The following UBE2Q2 variants were observed in gnomAD, a reference collection of about 807,000 sequenced individuals.
The protein encoded by UBE2Q2 is ubiquitin conjugating enzyme E2 Q2, also known as ubiquitin-conjugating enzyme E2 Q2.
A neutral mutation model predicts 59.9 loss-of-function variants in UBE2Q2; 54 were observed. The observed-to-expected ratio is 0.90, with a 90% CI of 0.72 to 1.13. The LOEUF (loss-of-function observed/expected upper bound fraction) is 1.13, where lower values mean the gene tolerates loss of function less well. Ranked by LOEUF, UBE2Q2 falls within the 50% of genes most tolerant of loss-of-function variation. UBE2Q2 has a pLI of 0.00. For synonymous variants in UBE2Q2, 165 were observed against 155.2 expected (o/e 1.06, Z -0.47); for missense variants, 433 against 441.9 (o/e 0.98, Z 0.18).
At chr15:75,844,857 T>G (rs1194954073) in intron 1 of UBE2Q2, among the ~76,000 whole-genome samples, 1 of 152,078 alleles carries the variant, frequency 6.6e-6, no homozygotes, top group Admixed American at 6.6e-5. Context: ...TTTGGTTGAG[T>G]CAGTGGGTAC....
intron 9 of UBE2Q2, among the ~76,000 whole-genome samples, chr15:75,886,998 A>G (rs895890484): frequency 1.3e-5 from 2 of 152,094 alleles, no homozygotes; most frequent in African/African-American, 4.8e-5. Context: ...AATAGAGACA[A>G]ATATTTTATG....
chr15:75,899,583 T>C lies in UBE2Q2; in HGVS notation c.*125T>C. ...AGATGTTAGTTAATAGATATTTTAG[T>C]GGATAATCTGTCATCTGACATCCAG... On this transcript the variant is annotated 3_prime_UTR_variant, in exon 13 of 13. Transcript: ENST00000267938. 1 of 711,654 alleles carries C rather than the reference T, an allele frequency of 1.4e-6. No individual in the cohort carries two copies. The highest frequency in any genetic ancestry group is 2.7e-5 in the Admixed American group (1 of 36,648). 44.1% of individuals were successfully genotyped at this position (711,654 alleles called of 1,614,324 possible). A position where few individuals can be genotyped will look rare whatever the true frequency, so the allele number is the denominator to read the frequency against.
intron 11 of UBE2Q2, among the ~76,000 whole-genome samples, chr15:75,894,477 A>C (rs556885080): frequency 6.6e-6 from 1 of 152,096 alleles, no homozygotes; most frequent in Admixed American, 6.5e-5. Flanking sequence ...CCAACTACTC[A>C]GGAGGCTGAG....
At chr15:75,850,810 T>C (rs994614904) in intron 1 of UBE2Q2, among the ~76,000 whole-genome samples, 1 of 152,184 alleles carries the variant, frequency 6.6e-6, no homozygotes, top group Non-Finnish European at 1.5e-5. Context: ...AGGGCTTTGG[T>C]TTATGTAAGT....
chr15:75,844,687 GTT>G (rs1896233853), intron 1 of UBE2Q2: 3 of 536,188 alleles, frequency 5.6e-6, no homozygotes, highest in Non-Finnish European at 6.5e-6. Context: ...GAAGTATTAA[GTT>G]TCTCCATAAA....
At position 75,843,547 on chromosome 15, in the gene UBE2Q2, G is replaced by C; in HGVS notation, c.-120G>C. The C allele has an allele frequency of 3.1e-6, 2 of 636,822 alleles. No individual in the cohort carries two copies. The highest frequency in any genetic ancestry group is 4.4e-6 in the Non-Finnish European group (2 of 457,474). The allele number at this position is 636,822 out of a possible 1,614,324, so 39.4% of individuals were successfully genotyped here. On this transcript the variant is annotated 5_prime_UTR_variant, in exon 1 of 13. Transcript: ENST00000267938. ...GCAGCGCTCGACGAGGCGGAGCCGC[G>C]AGAGCGCGGCCCAGGCCGGCCCCGC...
chr15:75,859,234 T>C (rs1288600046), intron 2 of UBE2Q2, among the ~76,000 whole-genome samples: 3 of 152,100 alleles, frequency 2.0e-5, no homozygotes, highest in Non-Finnish European at 2.9e-5. Flanking sequence ...ATTATTGTTA[T>C]TTTTTATACA....
chr15:75,888,782 C>T (rs112331078), intron 9 of UBE2Q2, among the ~76,000 whole-genome samples: 7 of 152,264 alleles, frequency 4.6e-5, no homozygotes, highest in African/African-American at 1.4e-4. Flanking sequence ...GTAGTTATTA[C>T]GTACTTGTAC....
At chr15:75,879,214 TA>T in intron 8 of UBE2Q2, 26 bp downstream of exon 8, 3 of 1,384,106 alleles carry the variant, frequency 2.2e-6, no homozygotes, top group Non-Finnish European at 2.0e-6. Flanking sequence ...CAGGACCCCA[TA>T]TACTTCCAGT....
At chr15:75,881,634 CAG>C (rs574679795) in intron 8 of UBE2Q2, among the ~76,000 whole-genome samples, 1 of 152,102 alleles carries the variant, frequency 6.6e-6, no homozygotes, top group Non-Finnish European at 1.5e-5. Context: ...AGGTATGACT[CAG>C]AAAGATTTGC....
intron 3 of UBE2Q2, among the ~76,000 whole-genome samples, chr15:75,868,395 G>C (rs115109921): frequency 0.016 from 2,501 of 152,264 alleles, 79 homozygotes; most frequent in African/African-American, 0.056. Flanking sequence ...GAAGTATTTT[G>C]TTGTAAAATG....
intron 1 of UBE2Q2, among the ~76,000 whole-genome samples, chr15:75,844,867 C>T (rs934626654): frequency 2.6e-5 from 4 of 152,002 alleles, no homozygotes; most frequent in Non-Finnish European, 5.9e-5. Context: ...TCAGTGGGTA[C>T]TCAAGTGCCT....
chr15:75,843,952 G>C (rs1896167155), intron 1 of UBE2Q2, 106 bp downstream of exon 1: 1 of 1,416,190 alleles, frequency 7.1e-7, no homozygotes, highest in African/African-American at 1.5e-5. Flanking sequence ...CCGGCTCCCC[G>C]GGCGGGGCAG....
chr15:75,864,626 G>A (rs62028929), intron 3 of UBE2Q2, among the ~76,000 whole-genome samples: 1 of 149,060 alleles, frequency 6.7e-6, no homozygotes, highest in African/African-American at 2.5e-5. Context: ...AAAAAAAAAG[G>A]ATCGCTTCAT....
At chr15:75,868,920 A>G (rs1897640518) in intron 3 of UBE2Q2, 31 bp from the exon 4 acceptor site, 1 of 1,609,448 alleles carries the variant, frequency 6.2e-7, no homozygotes, top group Non-Finnish European at 8.5e-7. Context: ...TTTGTTCTGT[A>G]TAGCCCTGGC....
chr15:75,880,118 T>C (rs904835651), intron 8 of UBE2Q2, among the ~76,000 whole-genome samples: 1 of 152,120 alleles, frequency 6.6e-6, no homozygotes, highest in African/African-American at 2.4e-5. Flanking sequence ...TTTTGTTTGT[T>C]TGTTTGTTTT....
At chr15:75,893,361 T>A (rs548317782) in intron 11 of UBE2Q2, among the ~76,000 whole-genome samples, 5 of 152,352 alleles carry the variant, frequency 3.3e-5, no homozygotes, top group African/African-American at 1.2e-4. Context: ...AAAGCATTAG[T>A]AACAATTTGA....
At chr15:75,845,805 T>C (rs111955388) in intron 1 of UBE2Q2, among the ~76,000 whole-genome samples, 3,153 of 152,200 alleles carry the variant, frequency 0.021, 102 homozygotes, top group African/African-American at 0.069. Context: ...GAGAACCATA[T>C]TGAAGGCTGG....
chr15:75,885,847 A>T (rs1898733906), intron 9 of UBE2Q2, among the ~76,000 whole-genome samples: 1 of 152,204 alleles, frequency 6.6e-6, no homozygotes, highest in South Asian at 2.1e-4. Flanking sequence ...CTGTTTTTGG[A>T]TCAGGCAGTA....
Sources: gnomAD v4.1 joint callset for allele counts (sites outside exome capture counted in the v4.1 genomes callset) on GRCh38, gnomAD v4.1.1 for gene constraint, MANE v1.5 for transcripts, NCBI Gene and HGNC (gene_info 2026-07-23, HGNC 2026-07-21) for gene names.